The following KIAA1958 variants were observed in gnomAD, a reference collection of about 807,000 sequenced individuals.
KIAA1958 encodes the protein uncharacterized protein KIAA1958.
A neutral mutation model predicts 47.2 loss-of-function variants in KIAA1958; 14 were observed. The observed-to-expected ratio is 0.30, with a 90% CI of 0.20 to 0.46. The LOEUF is 0.46. Ranked by LOEUF, KIAA1958 falls within the 20% of genes least tolerant of loss-of-function variation. The probability of loss-of-function intolerance (pLI) is 1.00; values close to 1 mark genes in which losing one functional copy is unlikely to be tolerated. For synonymous variants in KIAA1958, 354 were observed against 353.3 expected (o/e 1.00, Z -0.02); for missense variants, 803 against 909.2 (o/e 0.88, Z 1.50).
chr9:112,625,832 T>C (rs993973114), intron 2 of KIAA1958, among the ~76,000 whole-genome samples: 1 of 152,222 alleles, frequency 6.6e-6, no homozygotes, highest in Non-Finnish European at 1.5e-5. Flanking sequence ...TCTTTGATTC[T>C]AACAAACATC....
chr9:112,543,643 G>A (rs549748725), intron 1 of KIAA1958, among the ~76,000 whole-genome samples: 24 of 147,906 alleles, frequency 1.6e-4, no homozygotes, highest in African/African-American at 5.3e-4. Context: ...CATGATCTCG[G>A]CTCACCTCAA....
At chr9:112,657,402 A>AT (rs1342311573) in intron 3 of KIAA1958, among the ~76,000 whole-genome samples, 1 of 152,072 alleles carries the variant, frequency 6.6e-6, no homozygotes, top group Non-Finnish European at 1.5e-5. Context: ...CCACTCTACG[A>AT]TTTTGAGTTT....
In KIAA1958 at chr9:112,610,573, G is replaced by A. The variant is rs114522087; in HGVS notation, c.1172-35077G>A. Reference sequence around the variant, plus strand: ...AAGACATTACTTTATACAACTCTATGCAAATCACCTTAAAAGCTTGGAAGA... The same window carrying A: ...AAGACATTACTTTATACAACTCTATACAAATCACCTTAAAAGCTTGGAAGA... On this transcript the variant is annotated intron_variant, in intron 2 of 3. Transcript: ENST00000337530. 5.9e-3 allele frequency among the ~76,000 whole-genome samples: 900 copies of A among 152,168 alleles called. 16 individuals carry two copies. The highest frequency in any genetic ancestry group is 0.02 in the African/African-American group (845 of 41,550).
intron 3 of KIAA1958, among the ~76,000 whole-genome samples, chr9:112,651,016 G>A (rs1482989009): frequency 1.3e-5 from 2 of 152,102 alleles, no homozygotes; most frequent in Non-Finnish European, 2.9e-5. Context: ...TAAAAACAGA[G>A]CATAAAAGCA....
chr9:112,496,566 G>A (rs115675020), intron 1 of KIAA1958, among the ~76,000 whole-genome samples: 282 of 152,274 alleles, frequency 1.9e-3, no homozygotes, highest in African/African-American at 6.5e-3. Context: ...CCGAGTGTAT[G>A]TTTCAACATA....
intron 1 of KIAA1958, among the ~76,000 whole-genome samples, chr9:112,559,812 G>T (rs920985081): frequency 6.6e-6 from 1 of 152,140 alleles, no homozygotes; most frequent in African/African-American, 2.4e-5. Context: ...CTTTGAGTGG[G>T]CTGTAAAGTA....
At chr9:112,611,641 A>T (rs928294180) in intron 2 of KIAA1958, among the ~76,000 whole-genome samples, 4 of 152,158 alleles carry the variant, frequency 2.6e-5, no homozygotes, top group African/African-American at 9.6e-5. Context: ...GAAGATTCCC[A>T]ATCATAAGTA....
chr9:112,531,127 G>A (rs1022218312), intron 1 of KIAA1958, among the ~76,000 whole-genome samples: 2 of 152,174 alleles, frequency 1.3e-5, no homozygotes, highest in Admixed American at 6.5e-5. Context: ...TGTGGCTCAC[G>A]CCTGTAATCC....
At chr9:112,576,715 A>G (rs1392396292) in intron 2 of KIAA1958, among the ~76,000 whole-genome samples, 1 of 152,174 alleles carries the variant, frequency 6.6e-6, no homozygotes, top group African/African-American at 2.4e-5. Context: ...TTGTATGACT[A>G]TACCATATTT....
intron 1 of KIAA1958, among the ~76,000 whole-genome samples, chr9:112,573,380 C>T (rs899644517): frequency 6.6e-6 from 1 of 152,124 alleles, no homozygotes; most frequent in Non-Finnish European, 1.5e-5. Flanking sequence ...CTCCCGCTTC[C>T]CCATCCTTGC....
Position 112,577,526 on chromosome 9 carries a change from G to GC in KIAA1958, c.1171+2281dup, listed in dbSNP as rs922973271. Among the ~76,000 whole-genome samples, 73 of 148,428 alleles carry GC rather than the reference G, an allele frequency of 4.9e-4. 1 individual carries two copies. The highest frequency in any genetic ancestry group is 3.4e-3 in the South Asian group (16 of 4,754). On this transcript the variant is annotated intron_variant, in intron 2 of 3. Transcript: ENST00000337530. ...TTTATTTATTTATTTGAACTCTCCT[G>GC]CCCCCCTTTTTTTTTTTTCATTTAA...
chr9:112,525,575 T>G (rs546579572), intron 1 of KIAA1958, among the ~76,000 whole-genome samples: 2 of 152,256 alleles, frequency 1.3e-5, no homozygotes, highest in Non-Finnish European at 2.9e-5. Context: ...ATGCCATTAC[T>G]CCTGCTTTAT....
At chr9:112,581,565 C>T (rs947299614) in intron 2 of KIAA1958, among the ~76,000 whole-genome samples, 2 of 152,156 alleles carry the variant, frequency 1.3e-5, no homozygotes, top group African/African-American at 4.8e-5. Context: ...AGGGCCAGAT[C>T]TGGGTGCAGG....
chr9:112,532,472 CCTTT>C (rs1564161945), intron 1 of KIAA1958, among the ~76,000 whole-genome samples: 2 of 152,138 alleles, frequency 1.3e-5, no homozygotes, highest in African/African-American at 4.8e-5. Flanking sequence ...CTGCCTCTTT[CCTTT>C]CTATCACTAG....
At position 112,662,438 on chromosome 9, in the gene KIAA1958, A is replaced by G. The variant is rs2131257583; in HGVS notation, c.*2369A>G. 6.9e-6 allele frequency: 1 copy of G among 144,954 alleles called. No individual in the cohort carries two copies. Among genetic ancestry groups the G allele is most frequent in the East Asian group, 2.1e-4 (1 of 4,814 alleles). The allele number at this position is 144,954 out of a possible 1,614,324, so 9.0% of individuals were successfully genotyped here. On this transcript the variant is annotated 3_prime_UTR_variant, in exon 4 of 4. Transcript: ENST00000337530. Reference sequence around the variant, plus strand: ...TGTGTGTCTGTGTATACACACAAACACATATACATAAGTGTTTACACACAC... The same window carrying G: ...TGTGTGTCTGTGTATACACACAAACGCATATACATAAGTGTTTACACACAC...
At chr9:112,494,246 G>GT (rs1834016890) in intron 1 of KIAA1958, among the ~76,000 whole-genome samples, 1 of 152,034 alleles carries the variant, frequency 6.6e-6, no homozygotes, top group African/African-American at 2.4e-5. Flanking sequence ...GATACACAGT[G>GT]TTTTTTATTA....
chr9:112,656,017 G>C (rs1837144230), intron 3 of KIAA1958, among the ~76,000 whole-genome samples: 1 of 152,014 alleles, frequency 6.6e-6, no homozygotes, highest in African/African-American at 2.4e-5. Context: ...GGAAACAAAG[G>C]GTTTTAAGGT....
chr9:112,522,798 G>C (rs562573422), intron 1 of KIAA1958, among the ~76,000 whole-genome samples: 2 of 152,314 alleles, frequency 1.3e-5, no homozygotes, highest in African/African-American at 4.8e-5. Context: ...TAGTTGAGAA[G>C]GTCTCAGCTC....
intron 1 of KIAA1958, among the ~76,000 whole-genome samples, chr9:112,521,568 T>G (rs985910004): frequency 6.6e-6 from 1 of 152,178 alleles, no homozygotes; most frequent in African/African-American, 2.4e-5. Flanking sequence ...TTCTCTTAGA[T>G]TATCATGTTA....
Sources: gnomAD v4.1 joint callset for allele counts (sites outside exome capture counted in the v4.1 genomes callset) on GRCh38, gnomAD v4.1.1 for gene constraint, MANE v1.5 for transcripts, NCBI Gene and HGNC (gene_info 2026-07-23, HGNC 2026-07-21) for gene names.